Variants in SPAG16 observed in about 807,000 individuals in gnomAD.
The protein encoded by SPAG16 is sperm associated antigen 16.
A neutral mutation model predicts 80.4 loss-of-function variants in SPAG16; 86 were observed. That is an observed-to-expected ratio of 1.07 (90% CI 0.90 to 1.28). SPAG16 has a LOEUF of 1.28. Among genes scored for constraint, SPAG16 ranks in the 50% most tolerant of loss-of-function variants. The pLI is 0.00. For synonymous variants in SPAG16, 294 were observed against 265.9 expected, an observed-to-expected ratio of 1.11 and a Z score of -1.03; for missense variants, 870 against 765.3, an observed-to-expected ratio of 1.14 and a Z score of -1.61.
intron 15 of SPAG16, among the ~76,000 whole-genome samples, chr2:214,236,813 C>T (rs1689113765): frequency 6.6e-6 from 1 of 152,056 alleles, no homozygotes; most frequent in Admixed American, 6.6e-5. Context: ...AATCATCTTG[C>T]AAACTGAAAG....
intron 15 of SPAG16, among the ~76,000 whole-genome samples, chr2:214,269,566 G>A (rs1423861151): frequency 6.6e-6 from 1 of 151,986 alleles, no homozygotes; most frequent in African/African-American, 2.4e-5. Context: ...TAAATTTAGT[G>A]TACATTCAAT....
chr2:213,825,701 C>CTTTTTTTTTTTTTTTTTTTTTTTTTGT (rs55777958), intron 10 of SPAG16, among the ~76,000 whole-genome samples: 1 of 109,800 alleles, frequency 9.1e-6, no homozygotes, highest in African/African-American at 3.8e-5. Flanking sequence ...TTCTTTCTTT[C>CTTTTTTTTTTTTTTTTTTTTTTTTTGT]TTTTTTTTTT....
chr2:213,879,111 A>G (rs1352922150), intron 11 of SPAG16, among the ~76,000 whole-genome samples: 1 of 149,380 alleles, frequency 6.7e-6, no homozygotes, highest in African/African-American at 2.4e-5. Flanking sequence ...CTTTTTGCTT[A>G]GGATTGCTTT....
chr2:214,261,255 C>T (rs765745577), intron 15 of SPAG16, among the ~76,000 whole-genome samples: 19 of 151,914 alleles, frequency 1.3e-4, no homozygotes, highest in Admixed American at 2.6e-4. Context: ...TCTCCACCAG[C>T]CCCTCCCACG....
At chr2:213,661,811 T>G (rs1229174633) in intron 10 of SPAG16, among the ~76,000 whole-genome samples, 1 of 152,224 alleles carries the variant, frequency 6.6e-6, no homozygotes, top group African/African-American at 2.4e-5. Context: ...AATGTGTTAC[T>G]TATGTTCAAT....
chr2:213,299,272 T>TATTGCGAATATTGAATA (rs2062626765), intron 3 of SPAG16, among the ~76,000 whole-genome samples: 12 of 152,022 alleles, frequency 7.9e-5, no homozygotes, highest in Admixed American at 7.9e-4. Context: ...ATTGAATAGT[T>TATTGCGAATATTGAATA]GACATTTAAA....
At chr2:213,745,246 A>T (rs1328552152) in intron 10 of SPAG16, among the ~76,000 whole-genome samples, 1 of 151,780 alleles carries the variant, frequency 6.6e-6, no homozygotes, top group Non-Finnish European at 1.5e-5. Flanking sequence ...GTAGCTATTT[A>T]TTTTTTTTCT....
chr2:213,871,177 G>T (rs6754362), intron 11 of SPAG16, among the ~76,000 whole-genome samples: 1 of 151,896 alleles, frequency 6.6e-6, no homozygotes. Flanking sequence ...AATCTTCTAT[G>T]AATAATATTA....
chr2:213,629,980 T>G (rs946349718), intron 10 of SPAG16, among the ~76,000 whole-genome samples: 12 of 152,232 alleles, frequency 7.9e-5, no homozygotes, highest in Non-Finnish European at 1.5e-4. Context: ...GCGTGTTAAC[T>G]AGTCTGTCAC....
At chr2:213,730,913 T>C (rs1008625238) in intron 10 of SPAG16, among the ~76,000 whole-genome samples, 1 of 152,192 alleles carries the variant, frequency 6.6e-6, no homozygotes, top group African/African-American at 2.4e-5. Flanking sequence ...ATGACCAATT[T>C]TTAGGCTCAC....
Position 213,411,268 on chromosome 2 carries a change from G to A in SPAG16, c.942+36149G>A, listed in dbSNP as rs568794820. 5.3e-5 allele frequency among the ~76,000 whole-genome samples: 8 copies of A among 152,260 alleles called. No individual in the cohort carries two copies. The South Asian group carries it at 1.5e-3, about 28-fold the overall frequency. On this transcript the variant is annotated intron_variant, in intron 9 of 15. Transcript: ENST00000331683. ...TCTCAAGTCTATTTAAACGCAACTG[G>A]AGTCCCACAGGGAATATCAGATCAG...
intron 3 of SPAG16, among the ~76,000 whole-genome samples, chr2:213,306,463 C>A (rs891571110): frequency 3.2e-5 from 1 of 31,620 alleles, no homozygotes; most frequent in African/African-American, 1.2e-4. Flanking sequence ...GCTGGTATCT[C>A]ACTAAGTCAT....
At chr2:213,891,675 A>C (rs905574072) in intron 11 of SPAG16, among the ~76,000 whole-genome samples, 5 of 152,148 alleles carry the variant, frequency 3.3e-5, no homozygotes, top group African/African-American at 1.2e-4. Flanking sequence ...ATACAATGCC[A>C]AGATTATCAC....
intron 15 of SPAG16, among the ~76,000 whole-genome samples, chr2:214,377,165 C>T (rs1287752950): frequency 1.3e-5 from 2 of 152,140 alleles, no homozygotes; most frequent in Non-Finnish European, 2.9e-5. Context: ...ACCATCTCCC[C>T]GTGAGCAGTT....
intron 11 of SPAG16, among the ~76,000 whole-genome samples, chr2:213,882,857 G>A (rs919070929): frequency 1.3e-5 from 2 of 151,702 alleles, no homozygotes; most frequent in African/African-American, 2.4e-5. Flanking sequence ...TTGTTTCTTT[G>A]TTTTTGTTTT....
chr2:213,335,420 A>T (rs2064306085), intron 5 of SPAG16, among the ~76,000 whole-genome samples: 1 of 152,194 alleles, frequency 6.6e-6, no homozygotes, highest in South Asian at 2.1e-4. Flanking sequence ...AAAATACACT[A>T]TATATATTTA....
At chr2:213,987,504 AT>A (rs2106439280) in intron 12 of SPAG16, among the ~76,000 whole-genome samples, 1 of 152,184 alleles carries the variant, frequency 6.6e-6, no homozygotes. Flanking sequence ...TGTATCTTTT[AT>A]TTCCAAATTC....
At chr2:213,892,689 C>T (rs538598383) in intron 11 of SPAG16, among the ~76,000 whole-genome samples, 2 of 152,062 alleles carry the variant, frequency 1.3e-5, no homozygotes, top group African/African-American at 2.4e-5. Flanking sequence ...CGAAGACTCT[C>T]GATAGCAGAA....
At chr2:214,282,914 AC>A (rs1482179853) in intron 15 of SPAG16, among the ~76,000 whole-genome samples, 1 of 152,114 alleles carries the variant, frequency 6.6e-6, no homozygotes, top group African/African-American at 2.4e-5. Flanking sequence ...AGAAGCCTTT[AC>A]CTTCGACTGA....
Sources: gnomAD v4.1 joint callset for allele counts (sites outside exome capture counted in the v4.1 genomes callset) on GRCh38, gnomAD v4.1.1 for gene constraint, MANE v1.5 for transcripts, NCBI Gene and HGNC (gene_info 2026-07-23, HGNC 2026-07-21) for gene names.